BLTP3A: variants seen among roughly 807,000 people sequenced by gnomAD.
BLTP3A encodes the protein bridge-like lipid transfer protein family member 3A.
the BLTP3A span, among the ~76,000 whole-genome samples, chr6:34,801,300 G>T: frequency 6.6e-6 from 1 of 152,176 alleles, no homozygotes; most frequent in African/African-American, 2.4e-5. Flanking sequence ...TAGAAATAGT[G>T]ACGTAATGTT....
chr6:34,820,299 G>T, the BLTP3A span, among the ~76,000 whole-genome samples: 1 of 151,940 alleles, frequency 6.6e-6, no homozygotes. Flanking sequence ...CTGTGTGGGG[G>T]TCCTTTCCTA....
chr6:34,862,107 G>A, the BLTP3A span, among the ~76,000 whole-genome samples: 2 of 152,032 alleles, frequency 1.3e-5, no homozygotes, highest in Non-Finnish European at 2.9e-5. Flanking sequence ...GGCTGGGTGC[G>A]GTGGCTCACG....
At chr6:34,858,494 G>A in the BLTP3A span, 7 of 1,613,938 alleles carry the variant, frequency 4.3e-6, no homozygotes, top group African/African-American at 9.4e-5. Context: ...AACTTCAAAG[G>A]CCATACCTTG....
At chr6:34,818,674 C>T in the BLTP3A span, among the ~76,000 whole-genome samples, 2 of 152,130 alleles carry the variant, frequency 1.3e-5, no homozygotes, top group African/African-American at 2.4e-5. Flanking sequence ...AGCTTCCTGT[C>T]GACCCCTCCC....
At chr6:34,821,092 G>A in the BLTP3A span, among the ~76,000 whole-genome samples, 2 of 152,188 alleles carry the variant, frequency 1.3e-5, no homozygotes, top group African/African-American at 4.8e-5. Context: ...GAGGAGCTGG[G>A]ATTACAGGCA....
At chr6:34,849,686 C>T in the BLTP3A span, among the ~76,000 whole-genome samples, 1 of 152,082 alleles carries the variant, frequency 6.6e-6, no homozygotes, top group African/African-American at 2.4e-5. Context: ...CAGATGATTT[C>T]TTATTGCTCG....
chr6:34,835,340 A>G, the BLTP3A span: 3 of 1,614,060 alleles, frequency 1.9e-6, no homozygotes, highest in East Asian at 2.2e-5. Flanking sequence ...TTCCTGTTGG[A>G]TGACCTGCTC....
the BLTP3A span, among the ~76,000 whole-genome samples, chr6:34,853,080 C>T: frequency 6.6e-6 from 1 of 152,184 alleles, no homozygotes; most frequent in Admixed American, 6.5e-5. Flanking sequence ...GTCTTTTCTA[C>T]CTTCTTTGGT....
At chr6:34,824,259 G>A in the BLTP3A span, among the ~76,000 whole-genome samples, 9 of 152,066 alleles carry the variant, frequency 5.9e-5, no homozygotes, top group Admixed American at 1.3e-4. Context: ...CAGGCCAGGC[G>A]CGGTGGCTCA....
chr6:34,852,105 G>A, the BLTP3A span, among the ~76,000 whole-genome samples: 1 of 152,086 alleles, frequency 6.6e-6, no homozygotes, highest in Non-Finnish European at 1.5e-5. Flanking sequence ...AGCCTGCTTT[G>A]TACCCTACCC....
chr6:34,840,810 G>C, the BLTP3A span, among the ~76,000 whole-genome samples: 1 of 151,368 alleles, frequency 6.6e-6, no homozygotes, highest in Non-Finnish European at 1.5e-5. Context: ...TAGAGATGCA[G>C]TTTCACCGTA....
At chr6:34,856,518 A>G in the BLTP3A span, 2 of 1,393,494 alleles carry the variant, frequency 1.4e-6, no homozygotes, top group East Asian at 2.4e-5. Context: ...GCTGTATGTA[A>G]TGGAGAGACA....
the BLTP3A span, among the ~76,000 whole-genome samples, chr6:34,826,633 C>T: frequency 2.9e-4 from 44 of 152,328 alleles, no homozygotes; most frequent in East Asian, 7.7e-3. Context: ...GTTAGGATTA[C>T]AGACGTGAGC....
chr6:34,836,273 A>G, the BLTP3A span: 1 of 1,614,208 alleles, frequency 6.2e-7, no homozygotes, highest in Non-Finnish European at 8.5e-7. Context: ...ATTTGATGTG[A>G]AAGAGTCCTC....
chr6:34,811,339 C>T, the BLTP3A span, among the ~76,000 whole-genome samples: 14 of 152,190 alleles, frequency 9.2e-5, no homozygotes, highest in African/African-American at 2.9e-4. Flanking sequence ...AACAAATGAA[C>T]ACAAAGGATT....
At chr6:34,858,843 G>C in the BLTP3A span, 30 of 1,614,164 alleles carry the variant, frequency 1.9e-5, no homozygotes, top group African/African-American at 3.3e-4. Context: ...TCCGCGTGAG[G>C]CTTGACCACT....
chr6:34,821,309 A>G, the BLTP3A span: 2 of 182,826 alleles, frequency 1.1e-5, no homozygotes, highest in Non-Finnish European at 1.2e-5. Context: ...CTACATTGCC[A>G]TTGCTACAGC....
At chr6:34,801,647 T>A in the BLTP3A span, among the ~76,000 whole-genome samples, 1 of 152,224 alleles carries the variant, frequency 6.6e-6, no homozygotes, top group Non-Finnish European at 1.5e-5. Flanking sequence ...CTGTATAGAT[T>A]AAATGAGCTT....
the BLTP3A span, chr6:34,870,813 T>C: frequency 6.2e-7 from 1 of 1,604,396 alleles, no homozygotes; most frequent in Middle Eastern, 1.7e-4. Flanking sequence ...GAAGACTCCC[T>C]GGCCGTTAAT....
Sources: allele counts gnomAD v4.1 joint callset (sites outside exome capture counted in the v4.1 genomes callset), GRCh38; gene constraint gnomAD v4.1.1; transcripts MANE v1.5; gene names NCBI Gene and HGNC (gene_info 2026-07-23, HGNC 2026-07-21).